Variants in RBFOX1 observed in about 807,000 individuals in gnomAD.
RBFOX1 encodes the protein RNA binding protein fox-1 homolog 1.
Under a neutral mutation model 57.7 loss-of-function variants are expected in RBFOX1, and 8 were observed. The observed-to-expected ratio is 0.14, with a 90% CI of 0.08 to 0.25. The LOEUF (loss-of-function observed/expected upper bound fraction) is 0.25. Among genes scored for constraint, RBFOX1 ranks in the 10% least tolerant of loss-of-function variants. RBFOX1 has a pLI of 1.00. For synonymous variants in RBFOX1, 326 were observed against 222.4 expected (o/e 1.47, Z -4.15); for missense variants, 611 against 548.5 (o/e 1.11, Z -1.14).
At chr16:6,659,916 G>A (rs1282962345) in intron 3 of RBFOX1, among the ~76,000 whole-genome samples, 1 of 152,058 alleles carries the variant, frequency 6.6e-6, no homozygotes, top group Non-Finnish European at 1.5e-5. Context: ...TAGATACACG[G>A]GTTAGAAATT....
chr16:7,100,491 T>C (rs896050190), intron 4 of RBFOX1, among the ~76,000 whole-genome samples: 4 of 152,080 alleles, frequency 2.6e-5, no homozygotes, highest in African/African-American at 9.7e-5. Context: ...TATAAACATA[T>C]TTTCATACAA....
chr16:7,552,277 C>T lies in RBFOX1; in HGVS notation c.271-27500C>T, dbSNP rs541392709. On this transcript the variant is annotated intron_variant, in intron 5 of 15. Transcript: ENST00000550418. ...TTCTTTATTTCCATGTCTATGAGAG[C>T]TTTGATCAGCAGCTATAGTTTCTTA... Among the ~76,000 whole-genome samples, 42 of 152,264 alleles carry T rather than the reference C, an allele frequency of 2.8e-4. 2 individuals are homozygous for T. The South Asian group carries it at 8.5e-3, about 31-fold the overall frequency.
chr16:7,404,725 C>A (rs7188349), intron 4 of RBFOX1, among the ~76,000 whole-genome samples: 127,523 of 151,864 alleles, frequency 0.84, 54,081 homozygotes, highest in South Asian at 0.95. Context: ...AACAAACAAA[C>A]AAAACCGAAT....
rs573313858 is a variant in RBFOX1 at position 5,394,749 on chromosome 16, A to G, written c.220-72467A>G. On this transcript the variant is annotated intron_variant, in intron 1 of 2. Transcript: ENST00000585867. ...TTTTTTGTAGAAATGGGGTCTCACCATGTTGTCCAGGCTGGTCTTGAACTC... is the reference window on the plus strand; with the variant it reads ...TTTTTTGTAGAAATGGGGTCTCACCGTGTTGTCCAGGCTGGTCTTGAACTC... Among the ~76,000 whole-genome samples the G allele has an allele frequency of 4.6e-5, 7 of 152,060 alleles. 1 individual carries two copies. In the South Asian group the frequency reaches 1.2e-3, roughly 27 times the overall value.
chr16:7,006,733 C>T (rs903942404), intron 3 of RBFOX1, among the ~76,000 whole-genome samples: 1 of 152,138 alleles, frequency 6.6e-6, no homozygotes, highest in African/African-American at 2.4e-5. Flanking sequence ...CGGACATGAG[C>T]CACCATGCCT....
At chr16:5,895,325 G>A (rs2058139180) in intron 4 of RBFOX1, among the ~76,000 whole-genome samples, 1 of 152,182 alleles carries the variant, frequency 6.6e-6, no homozygotes, top group South Asian at 2.1e-4. Flanking sequence ...CCAGGAAATG[G>A]ATGACTCACA....
chr16:5,523,171 A>G (rs774841628), intron 2 of RBFOX1, among the ~76,000 whole-genome samples: 15 of 152,164 alleles, frequency 9.9e-5, no homozygotes, highest in Non-Finnish European at 1.3e-4. Context: ...CTGTAATTCC[A>G]GCTACTCGGG....
At chr16:5,855,947 T>G (rs1325251181) in intron 3 of RBFOX1, among the ~76,000 whole-genome samples, 3 of 149,112 alleles carry the variant, frequency 2.0e-5, no homozygotes, top group Non-Finnish European at 4.5e-5. Flanking sequence ...TTCAACTCTT[T>G]GGTTAAGTTT....
At chr16:7,106,867 A>C (rs1302208664) in intron 4 of RBFOX1, among the ~76,000 whole-genome samples, 1 of 152,140 alleles carries the variant, frequency 6.6e-6, no homozygotes, top group Non-Finnish European at 1.5e-5. Context: ...TTAATTCATG[A>C]AACAAGTATT....
At chr16:7,115,635 T>C (rs2065739371) in intron 4 of RBFOX1, among the ~76,000 whole-genome samples, 1 of 152,210 alleles carries the variant, frequency 6.6e-6, no homozygotes, top group South Asian at 2.1e-4. Context: ...ACAAAGTACA[T>C]AGCTCCTCCA....
At chr16:7,281,165 G>C (rs2095536297) in intron 4 of RBFOX1, among the ~76,000 whole-genome samples, 1 of 151,794 alleles carries the variant, frequency 6.6e-6, no homozygotes, top group Admixed American at 6.6e-5. Flanking sequence ...ACCACACCTG[G>C]CTAATTTTTA....
intron 3 of RBFOX1, among the ~76,000 whole-genome samples, chr16:6,918,340 G>C (rs144424613): frequency 3.3e-5 from 5 of 151,356 alleles, no homozygotes; most frequent in African/African-American, 9.7e-5. Flanking sequence ...TACCGAATCA[G>C]ACCACTGGGC....
intron 4 of RBFOX1, among the ~76,000 whole-genome samples, chr16:7,072,088 C>G (rs1427185294): frequency 7.2e-5 from 11 of 152,144 alleles, no homozygotes; most frequent in Admixed American, 6.6e-5. Context: ...GTTCTCTAGT[C>G]TTTGTTCCTT....
At chr16:6,799,269 C>G (rs140950884) in intron 3 of RBFOX1, among the ~76,000 whole-genome samples, 1 of 152,134 alleles carries the variant, frequency 6.6e-6, no homozygotes, top group African/African-American at 2.4e-5. Context: ...CCCCACAGGC[C>G]GAGTAGCACT....
At chr16:6,078,726 A>T (rs183139359) in intron 1 of RBFOX1, among the ~76,000 whole-genome samples, 1 of 152,342 alleles carries the variant, frequency 6.6e-6, no homozygotes, top group African/African-American at 2.4e-5. Flanking sequence ...CACAAATGGT[A>T]GCTATCAATG....
chr16:6,772,490 T>A (rs941592602), intron 3 of RBFOX1, among the ~76,000 whole-genome samples: 4 of 150,136 alleles, frequency 2.7e-5, no homozygotes, highest in Admixed American at 1.3e-4. Flanking sequence ...TGTGTGGGTA[T>A]GGGGTGCGTT....
At chr16:6,360,096 C>T (rs1324856641) in intron 2 of RBFOX1, among the ~76,000 whole-genome samples, 1 of 152,076 alleles carries the variant, frequency 6.6e-6, no homozygotes, top group Non-Finnish European at 1.5e-5. Flanking sequence ...TCGTTCATTT[C>T]CATGGCTTTA....
At chr16:5,688,863 C>T (rs2050584289) in intron 3 of RBFOX1, among the ~76,000 whole-genome samples, 1 of 152,192 alleles carries the variant, frequency 6.6e-6, no homozygotes, top group Non-Finnish European at 1.5e-5. Flanking sequence ...CCAGGACTCT[C>T]TTCTACTGCC....
intron 4 of RBFOX1, among the ~76,000 whole-genome samples, chr16:7,360,233 C>T (rs1037072350): frequency 1.3e-5 from 2 of 152,076 alleles, no homozygotes; most frequent in African/African-American, 2.4e-5. Context: ...ATTTAATAAA[C>T]CTAGAAATGC....
Sources: allele counts gnomAD v4.1 joint callset (sites outside exome capture counted in the v4.1 genomes callset), GRCh38; gene constraint gnomAD v4.1.1; transcripts MANE v1.5; gene names NCBI Gene and HGNC (gene_info 2026-07-23, HGNC 2026-07-21).